The following CNTNAP4 variants were observed in gnomAD, a reference collection of about 807,000 sequenced individuals.
CNTNAP4 encodes contactin associated protein family member 4.
A neutral mutation model predicts 148.4 loss-of-function variants in CNTNAP4; 98 were observed. The ratio of observed to expected loss-of-function variants is 0.66; its 90% CI spans 0.56 to 0.78. The LOEUF is 0.78. Among genes scored for constraint, CNTNAP4 ranks in the 30% least tolerant of loss-of-function variants. CNTNAP4 has a pLI of 0.00. For synonymous variants in CNTNAP4, 730 were observed against 565.1 expected, an observed-to-expected ratio of 1.29 and a Z score of -4.14; for missense variants, 1,935 against 1,565.6, an observed-to-expected ratio of 1.24 and a Z score of -3.98.
chr16:76,398,384 G>A (rs1191149912), intron 3 of CNTNAP4, among the ~76,000 whole-genome samples: 3 of 152,038 alleles, frequency 2.0e-5, no homozygotes, highest in Non-Finnish European at 2.9e-5. Flanking sequence ...CACAATACAT[G>A]AGAATCATCC....
At chr16:76,335,289 G>A (rs990340714) in intron 2 of CNTNAP4, among the ~76,000 whole-genome samples, 7 of 152,122 alleles carry the variant, frequency 4.6e-5, no homozygotes, top group Admixed American at 2.0e-4. Flanking sequence ...TGTGTGAGAT[G>A]ATGTAGAAAT....
At chr16:76,373,283 C>T (rs1475207485) in intron 3 of CNTNAP4, among the ~76,000 whole-genome samples, 1 of 150,784 alleles carries the variant, frequency 6.6e-6, no homozygotes, top group Admixed American at 6.6e-5. Flanking sequence ...ATATATTCCA[C>T]ATAAATATGT....
intron 1 of CNTNAP4, among the ~76,000 whole-genome samples, chr16:76,284,408 T>C (rs573179168): frequency 6.6e-6 from 1 of 151,868 alleles, no homozygotes; most frequent in Non-Finnish European, 1.5e-5. Flanking sequence ...AAGAAAAATC[T>C]CAGAAAGTGA....
At chr16:76,551,334 G>C (rs12919105) in intron 21 of CNTNAP4, among the ~76,000 whole-genome samples, 44,812 of 151,260 alleles carry the variant, frequency 0.3, 6,704 homozygotes, top group South Asian at 0.35. Flanking sequence ...GGAGGCAAAA[G>C]CTGCAGGGAG....
chr16:76,498,474 AG>A (rs1340665179), intron 14 of CNTNAP4, 92 bp from the exon 15 acceptor site: 4 of 975,580 alleles, frequency 4.1e-6, no homozygotes, highest in Non-Finnish European at 6.1e-6. Context: ...ACTCTTTTGT[AG>A]GTGCAAATTT....
At chr16:76,320,925 A>G (rs1229853612) in intron 2 of CNTNAP4, among the ~76,000 whole-genome samples, 1 of 152,226 alleles carries the variant, frequency 6.6e-6, no homozygotes, top group Non-Finnish European at 1.5e-5. Context: ...AAGTGTGAGT[A>G]GAAAAATACA....
chr16:76,474,899 T>C (rs907331035), intron 10 of CNTNAP4, among the ~76,000 whole-genome samples: 3 of 152,156 alleles, frequency 2.0e-5, no homozygotes, highest in Admixed American at 6.5e-5. Context: ...AAAAATAATA[T>C]ACATGATTTG....
chr16:76,533,604 G>A (rs752872648), intron 17 of CNTNAP4, among the ~76,000 whole-genome samples: 3 of 151,912 alleles, frequency 2.0e-5, no homozygotes, highest in Non-Finnish European at 4.4e-5. Flanking sequence ...CAATTATTAT[G>A]TGTCTATTAA....
chr16:76,498,422 G>C, intron 14 of CNTNAP4, 145 bp from the exon 15 acceptor site: 1 of 504,768 alleles, frequency 2.0e-6, no homozygotes. Context: ...TAAATCAAAT[G>C]TCATTCTGTT....
intron 3 of CNTNAP4, among the ~76,000 whole-genome samples, chr16:76,383,622 CT>C (rs1156964266): frequency 1.3e-5 from 2 of 152,082 alleles, no homozygotes; most frequent in Non-Finnish European, 2.9e-5. Context: ...TGCACATATA[CT>C]TTTAAGAGAT....
At chr16:76,552,607 T>C (rs1254461144) in intron 21 of CNTNAP4, among the ~76,000 whole-genome samples, 1 of 152,196 alleles carries the variant, frequency 6.6e-6, no homozygotes, top group African/African-American at 2.4e-5. Flanking sequence ...GGCACAGATA[T>C]TTCTGTCCCA....
chr16:76,378,602 C>G (rs543620578), intron 3 of CNTNAP4, among the ~76,000 whole-genome samples: 2 of 152,276 alleles, frequency 1.3e-5, no homozygotes, highest in South Asian at 4.1e-4. Flanking sequence ...CTGAGTAGAC[C>G]TTGGTGTAAG....
At chr16:76,334,533 A>G (rs74026713) in intron 2 of CNTNAP4, among the ~76,000 whole-genome samples, 1,980 of 152,286 alleles carry the variant, frequency 0.013, 55 homozygotes, top group African/African-American at 0.044. Context: ...CTCTAATACT[A>G]CAGTTAAACT....
intron 2 of CNTNAP4, among the ~76,000 whole-genome samples, chr16:76,348,705 T>C (rs997139235): frequency 6.6e-6 from 1 of 152,038 alleles, no homozygotes; most frequent in Non-Finnish European, 1.5e-5. Flanking sequence ...TTTAGCAACA[T>C]GGAGTTCTTG....
At chr16:76,345,080 T>G (rs908413578) in intron 2 of CNTNAP4, among the ~76,000 whole-genome samples, 1 of 152,214 alleles carries the variant, frequency 6.6e-6, no homozygotes, top group Non-Finnish European at 1.5e-5. Flanking sequence ...CTTTGAATGG[T>G]CTCTTGGCAA....
chr16:76,281,375 A>G (rs991045707), intron 1 of CNTNAP4, among the ~76,000 whole-genome samples: 1 of 152,072 alleles, frequency 6.6e-6, no homozygotes, highest in African/African-American at 2.4e-5. Context: ...TCTAATAGCA[A>G]TGGTGATTTA....
intron 17 of CNTNAP4, 23 bp from the exon 18 acceptor site, chr16:76,535,522 C>A (rs1379346035): frequency 8.7e-6 from 14 of 1,609,404 alleles, no homozygotes; most frequent in African/African-American, 1.3e-5. Flanking sequence ...AACATGTTTC[C>A]ATTTGCAGTA....
chr16:76,299,457 A>G (rs1959693856), intron 1 of CNTNAP4, among the ~76,000 whole-genome samples: 1 of 152,184 alleles, frequency 6.6e-6, no homozygotes. Flanking sequence ...ACCATCTCAC[A>G]CCAGTTAGAA....
rs1447377334 is a variant in CNTNAP4 at position 76,513,432 on chromosome 16, G to A, written c.2366-7708G>A. 1.1e-4 allele frequency among the ~76,000 whole-genome samples: 16 copies of A among 152,244 alleles called. No homozygotes were observed. The East Asian group carries it at 2.7e-3, about 26-fold the overall frequency. On this transcript the variant is annotated intron_variant, in intron 15 of 23. Coordinates refer to ENST00000611870, the MANE Select transcript of CNTNAP4 (RefSeq NM_033401.5). ...CACTTGGCATCATATTACAGCACGT[G>A]TACTTACCTGTAGTGTTCTTTAAAA...
Sources: gnomAD v4.1 joint callset for allele counts (sites outside exome capture counted in the v4.1 genomes callset) on GRCh38, gnomAD v4.1.1 for gene constraint, MANE v1.5 for transcripts, NCBI Gene and HGNC (gene_info 2026-07-23, HGNC 2026-07-21) for gene names.